The following SCUBE1 variants were observed in gnomAD, a reference collection of about 807,000 sequenced individuals.
SCUBE1 encodes signal peptide, CUB and EGF-like domain-containing protein 1.
SCUBE1 carries 59 observed loss-of-function variants against 124.4 expected under a neutral mutation model. The observed-to-expected ratio is 0.47, with a 90% CI of 0.38 to 0.59. The LOEUF is 0.59. Among genes scored for constraint, SCUBE1 ranks in the 20% least tolerant of loss-of-function variants. The pLI is 0.00. For synonymous variants in SCUBE1, 545 were observed against 550.9 expected, an observed-to-expected ratio of 0.99 and a Z score of 0.15; for missense variants, 1,150 against 1,371.2, an observed-to-expected ratio of 0.84 and a Z score of 2.55.
chr22:43,225,105 TCA>T (rs1922250280), intron 10 of SCUBE1, among the ~76,000 whole-genome samples: 2 of 152,164 alleles, frequency 1.3e-5, no homozygotes, highest in Admixed American at 1.3e-4. Flanking sequence ...TACCTTGGCC[TCA>T]GTTTCCTCCC....
chr22:43,204,053 A>G lies in SCUBE1; in HGVS notation c.2911T>C (p.Ser971Pro). 6.2e-7 allele frequency: 1 copy of G among 1,614,076 alleles called. No homozygotes were observed. The highest frequency in any genetic ancestry group is 8.5e-7 in the Non-Finnish European group (1 of 1,179,998). ...TTGGAGCGCAGCAGTTTGATGAAGG[A>G]CCGTGGGAACATCTCCTTGGATTCC... Reference protein sequence around the residue: ...AQESKEMFPRSFIKLLRSKVS... With the variant: ...AQESKEMFPRPFIKLLRSKVS... The change falls in exon 22 of 22, where the codon TCC (serine) becomes CCC (proline). Residue 971 changes from serine (S) to proline (P), a missense_variant. Ser to Pro is a moderately conservative substitution (Grantham distance 74). This residue lies in a region of SCUBE1 where 757 missense variants were observed against 840.9 expected (regional missense o/e 0.90). Coordinates refer to ENST00000360835, the MANE Select transcript of SCUBE1 (RefSeq NM_173050.5).
intron 6 of SCUBE1, among the ~76,000 whole-genome samples, chr22:43,239,367 G>C (rs1922906389): frequency 6.6e-6 from 1 of 152,258 alleles, no homozygotes; most frequent in Admixed American, 6.5e-5. Context: ...GTTACTTGGA[G>C]GTGACTGGGG....
intron 6 of SCUBE1, among the ~76,000 whole-genome samples, chr22:43,252,094 G>C (rs1351415316): frequency 6.6e-6 from 1 of 152,190 alleles, no homozygotes; most frequent in Non-Finnish European, 1.5e-5. Context: ...CATGTTCTGG[G>C]GCCTCTTTAA....
chr22:43,222,610 T>C, intron 12 of SCUBE1, 28 bp downstream of exon 12: 1 of 1,479,946 alleles, frequency 6.8e-7, no homozygotes, highest in African/African-American at 1.8e-5. Flanking sequence ...CCCAGTGGCA[T>C]GCAGCATGGA....
At chr22:43,283,263 A>C (rs927980888) in intron 4 of SCUBE1, 8 of 152,166 alleles carry the variant, frequency 5.3e-5, no homozygotes, top group African/African-American at 1.7e-4. Flanking sequence ...ACACTGACAG[A>C]CAGCCGTGGG....
chr22:43,291,059 G>T lies in SCUBE1; in HGVS notation c.471C>A (p.Ile157=), dbSNP rs1425892893. 1 of 1,610,094 alleles carries T rather than the reference G, an allele frequency of 6.2e-7. No homozygotes were observed. Among genetic ancestry groups the T allele is most frequent in the South Asian group, 1.1e-5 (1 of 90,542 alleles). The change falls in exon 4 of 22, where the codon ATC becomes ATA. Residue 157 remains isoleucine, a synonymous_variant. Coordinates refer to ENST00000360835, the MANE Select transcript of SCUBE1 (RefSeq NM_173050.5). The part of the protein sequence containing the change: ...FFLSDNQHTC[I]HRSNEGMNCM... Reference sequence around the variant, plus strand: ...GGCTGTACTCACCATTGGAGCGGTGGATGCAGGTATGCTGGTTGTCACTAA... The same window carrying T: ...GGCTGTACTCACCATTGGAGCGGTGTATGCAGGTATGCTGGTTGTCACTAA...
At chr22:43,328,749 C>T (rs142851600) in intron 2 of SCUBE1, among the ~76,000 whole-genome samples, 94 of 152,264 alleles carry the variant, frequency 6.2e-4, no homozygotes, top group Admixed American at 1.8e-3. Flanking sequence ...CCTTTCTCTC[C>T]GAATCCCCGG....
At chr22:43,341,027 C>T (rs1372769063) in intron 1 of SCUBE1, among the ~76,000 whole-genome samples, 7 of 147,682 alleles carry the variant, frequency 4.7e-5, no homozygotes, top group Non-Finnish European at 1.1e-4. Context: ...AGTCTCCTGC[C>T]CACCCCTGAA....
intron 20 of SCUBE1, among the ~76,000 whole-genome samples, 172 bp from the exon 21 acceptor site, chr22:43,207,785 T>C (rs1213843775): frequency 6.6e-6 from 1 of 152,238 alleles, no homozygotes; most frequent in East Asian, 1.9e-4. Flanking sequence ...TGCACCTGTA[T>C]TGTCCTCCTC....
chr22:43,337,429 G>T (rs138338309), intron 2 of SCUBE1, among the ~76,000 whole-genome samples: 2 of 152,208 alleles, frequency 1.3e-5, no homozygotes, highest in Non-Finnish European at 2.9e-5. Flanking sequence ...ACTGGGTCTG[G>T]AAGGCAGAGT....
chr22:43,279,958 G>C (rs12165607), intron 4 of SCUBE1, among the ~76,000 whole-genome samples: 6,867 of 152,272 alleles, frequency 0.045, 329 homozygotes, highest in African/African-American at 0.12. Flanking sequence ...AAGCTCCTAA[G>C]CCTCAATGAA....
intron 6 of SCUBE1, among the ~76,000 whole-genome samples, chr22:43,245,318 C>T (rs557417234): frequency 2.6e-5 from 4 of 152,346 alleles, no homozygotes; most frequent in Admixed American, 1.3e-4. Flanking sequence ...GTCCTGACCA[C>T]GCCTCCCCGC....
rs1479970132 is a variant in SCUBE1, at chr22:43,211,551, C to G, written c.2222-468G>C. Among the ~76,000 whole-genome samples, 2 of 150,538 alleles carry G rather than the reference C, an allele frequency of 1.3e-5. No individual in the cohort carries two copies. Among genetic ancestry groups the G allele is most frequent in the Non-Finnish European group, 3.0e-5 (2 of 67,672 alleles). On this transcript the variant is annotated intron_variant, in intron 17 of 21. Transcript: ENST00000360835. This position sits in a 1 kb window ranked among gnomAD's most constrained non-coding sequence, Gnocchi z 4.5. ...TTTTTTTTTTGAGATGGAGCTCGCT[C>G]CGTCACCCAGGCTGGAGTGCAATGG... is the stretch of plus-strand genomic sequence containing the variant.
intron 16 of SCUBE1, 43 bp downstream of exon 16, chr22:43,214,047 G>GGGGGCCC: frequency 1.4e-5 from 2 of 143,440 alleles, no homozygotes; most frequent in East Asian, 2.8e-4. Flanking sequence ...AGGAGCCCCC[G>GGGGGCCC]CCCACCCCCC....
chr22:43,259,751 G>A (rs1401774726), intron 5 of SCUBE1, among the ~76,000 whole-genome samples: 3 of 152,206 alleles, frequency 2.0e-5, no homozygotes, highest in Admixed American at 2.0e-4. Context: ...GAGGCTCTAA[G>A]AGGCTGCTCC....
In SCUBE1 at chr22:43,343,280, T is replaced by A; in HGVS notation, c.-19A>T. 1 of 1,097,416 alleles carries A rather than the reference T, an allele frequency of 9.1e-7. No individual in the cohort carries two copies. Among genetic ancestry groups the A allele is most frequent in the East Asian group, 5.8e-5 (1 of 17,362 alleles). The allele number at this position is 1,097,416 out of a possible 1,614,324, so 68.0% of individuals were successfully genotyped here. Reference sequence around the variant, plus strand: ...CGCCCATGCTCAATGCGGGCCCCGCTGGGCGTGCGGGCGTGCGGGGCGCGG... The same window carrying A: ...CGCCCATGCTCAATGCGGGCCCCGCAGGGCGTGCGGGCGTGCGGGGCGCGG... On this transcript the variant is annotated 5_prime_UTR_variant, in exon 1 of 22. Coordinates refer to ENST00000360835, the MANE Select transcript of SCUBE1 (RefSeq NM_173050.5).
chr22:43,244,801 A>G (rs1024758279), intron 6 of SCUBE1, among the ~76,000 whole-genome samples: 1 of 152,246 alleles, frequency 6.6e-6, no homozygotes, highest in African/African-American at 2.4e-5. Flanking sequence ...GCATGGGCCC[A>G]GCGTCCCACA....
chr22:43,315,417 C>T (rs1926310515), intron 3 of SCUBE1, among the ~76,000 whole-genome samples: 1 of 152,184 alleles, frequency 6.6e-6, no homozygotes, highest in Non-Finnish European at 1.5e-5. Flanking sequence ...TGATTTATTT[C>T]TGCCAACACT....
chr22:43,279,691 G>GCT lies in SCUBE1; in HGVS notation c.484+11353_484+11354dup, dbSNP rs371006074. 4.4e-3 allele frequency among the ~76,000 whole-genome samples: 676 copies of GCT among 152,320 alleles called. 13 individuals carry two copies. The highest frequency in any genetic ancestry group is 0.016 in the African/African-American group (662 of 41,564). ...CGTGGGCAAGGGCATGCTCTCCTGG[G>GCT]CTCCCACAGCCCCTGTCCAGCTTCT... On this transcript the variant is annotated intron_variant, in intron 4 of 21. Coordinates refer to ENST00000360835, the MANE Select transcript of SCUBE1 (RefSeq NM_173050.5).
Sources: allele counts gnomAD v4.1 joint callset (sites outside exome capture counted in the v4.1 genomes callset), GRCh38; gene constraint gnomAD v4.1.1; regional missense constraint gnomAD v4.1.1; non-coding constraint Gnocchi (gnomAD v3.1); transcripts MANE v1.5; gene names NCBI Gene and HGNC (gene_info 2026-07-23, HGNC 2026-07-21).